Variants in ORC5 observed in about 807,000 individuals in gnomAD.
ORC5 encodes origin recognition complex subunit 5, also known as protein phosphatase 1, regulatory subunit 117.
In ORC5, 39 loss-of-function variants were observed where a neutral mutation model predicts 58.8. That is an observed-to-expected ratio of 0.66 (90% CI 0.51 to 0.87). The LOEUF is 0.87. Among genes scored for constraint, ORC5 ranks in the 40% least tolerant of loss-of-function variants. ORC5 has a pLI of 0.00. For missense variants in ORC5, 493 were observed against 506.3 expected (o/e 0.97, Z 0.25); for synonymous variants, 218 against 177.6 (o/e 1.23, Z -1.81).
At chr7:104,173,048 C>A (rs189477348) in intron 8 of ORC5, among the ~76,000 whole-genome samples, 1 of 150,764 alleles carries the variant, frequency 6.6e-6, no homozygotes, top group South Asian at 2.1e-4. Context: ...GCTAAAACCC[C>A]CAACAAGTAG....
At position 104,188,476 on chromosome 7, in the gene ORC5, C is replaced by A. The variant is rs1298416416; in HGVS notation, c.554-95G>T. The A allele has an allele frequency of 7.4e-6, 6 of 810,834 alleles. No homozygotes were observed. In the East Asian group the frequency reaches 1.3e-4, roughly 17 times the overall value. 50.2% of individuals were successfully genotyped at this position (810,834 alleles called of 1,614,324 possible). A position where few individuals can be genotyped will look rare whatever the true frequency, so the allele number is the denominator to read the frequency against. ...TAACAAAGGTATTAAAAAAAAAACA[C>A]CCAGACCCAGCAACAATTAAGGAAT... On this transcript the variant is annotated intron_variant, in intron 5 of 13. Coordinates refer to ENST00000297431, the MANE Select transcript of ORC5 (RefSeq NM_002553.4).
At chr7:104,148,004 G>T (rs1249112960) in intron 12 of ORC5, among the ~76,000 whole-genome samples, 1 of 152,078 alleles carries the variant, frequency 6.6e-6, no homozygotes, top group Non-Finnish European at 1.5e-5. Context: ...AACTTGAGGG[G>T]CAGGGGTCAG....
Position 104,178,662 on chromosome 7 carries a change from T to C in ORC5, c.824+5281A>G, listed in dbSNP as rs60565724. Among the ~76,000 whole-genome samples, 392 of 152,320 alleles carry C rather than the reference T, an allele frequency of 2.6e-3. 17 individuals carry two copies. The East Asian group carries it at 0.069, about 27-fold the overall frequency. On this transcript the variant is annotated intron_variant, in intron 8 of 13. Coordinates refer to ENST00000297431, the MANE Select transcript of ORC5 (RefSeq NM_002553.4). ...TGCCTATGTCCTGAATGGTGTTGCC[T>C]AGGTTTTCTTCTAGGGTTTTTATGG...
intron 12 of ORC5, among the ~76,000 whole-genome samples, chr7:104,149,758 CAT>C (rs1798816090): frequency 1.3e-5 from 2 of 152,178 alleles, no homozygotes; most frequent in African/African-American, 4.8e-5. Flanking sequence ...CACTGCTTAA[CAT>C]ATTTTATTTC....
Position 104,136,695 on chromosome 7 carries a change from T to C in ORC5, c.1262+86A>G, listed in dbSNP as rs1187578437. 3 of 832,620 alleles carry C rather than the reference T, an allele frequency of 3.6e-6. No homozygotes were observed. The highest frequency in any genetic ancestry group is 5.9e-6 in the Non-Finnish European group (3 of 505,190). The allele number at this position is 832,620 out of a possible 1,614,324, so 51.6% of individuals were successfully genotyped here. A position where few individuals can be genotyped will look rare whatever the true frequency, so the allele number is the denominator to read the frequency against. ...CACTTAAATAGATGATTTTTTCATG[T>C]TTAAATGTCATGACTAATGACATCA... On this transcript the variant is annotated intron_variant, in intron 13 of 13. Coordinates refer to ENST00000297431, the MANE Select transcript of ORC5 (RefSeq NM_002553.4). This position sits in a 1 kb window ranked among gnomAD's most constrained non-coding sequence, Gnocchi z 4.2.
intron 5 of ORC5, 93 bp downstream of exon 5, chr7:104,195,026 TTGAATATCAAATGGGAATAACAAA>T: frequency 1.8e-6 from 1 of 546,410 alleles, no homozygotes; most frequent in Non-Finnish European, 3.2e-6. Flanking sequence ...TAATTCCCAT[TTGAATATCAAATGGGAATAACAAA>T]GTATTCCCAT....
chr7:104,149,232 C>T (rs992697097), intron 12 of ORC5, among the ~76,000 whole-genome samples: 1 of 152,028 alleles, frequency 6.6e-6, no homozygotes, highest in Non-Finnish European at 1.5e-5. Context: ...ATGAAAAGGT[C>T]TTTTTCTGAA....
At chr7:104,127,078 T>A (rs74901297) in intron 13 of ORC5, among the ~76,000 whole-genome samples, 185 bp from the exon 14 acceptor site, 2 of 134,610 alleles carry the variant, frequency 1.5e-5, no homozygotes, top group Non-Finnish European at 3.2e-5. Context: ...AATATTTTAA[T>A]TTTTTTTTTT....
intron 6 of ORC5, among the ~76,000 whole-genome samples, chr7:104,186,166 T>C (rs1799538568): frequency 6.6e-6 from 1 of 151,854 alleles, no homozygotes; most frequent in South Asian, 2.1e-4. Flanking sequence ...AACTGACCCT[T>C]GAACGACATA....
At chr7:104,186,980 T>C (rs144623946) in intron 6 of ORC5, among the ~76,000 whole-genome samples, 25 of 152,338 alleles carry the variant, frequency 1.6e-4, no homozygotes, top group African/African-American at 6.0e-4. Flanking sequence ...CTCTTTACAT[T>C]TTATTTTCCC....
intron 9 of ORC5, 47 bp from the exon 10 acceptor site, chr7:104,166,931 G>C: frequency 9.5e-7 from 1 of 1,050,984 alleles, no homozygotes; most frequent in South Asian, 1.3e-5. Flanking sequence ...GCTAACATTG[G>C]GTTTTAAGTA....
Position 104,161,121 on chromosome 7 carries a change from T to C in ORC5, c.1100A>G (p.Tyr367Cys), listed in dbSNP as rs757580360. ...FPLDRLLAIL[Y>C]SIVDSRVAPT... ...AGCAACTCTGCTGTCCACGATACTA[T>C]ATAATATTGCTAATAATCTGTCTAG... Residue 367 changes from tyrosine (Y) to cysteine (C), a missense_variant, in exon 12 of 14, where the codon TAT becomes TGT. This residue lies in a region of ORC5 where 77 missense variants were observed against 86.1 expected (regional missense o/e 0.89). Transcript: ENST00000297431. 1 of 1,610,912 alleles carries C rather than the reference T, an allele frequency of 6.2e-7. No individual in the cohort carries two copies. Among genetic ancestry groups the C allele is most frequent in the African/African-American group, 1.3e-5 (1 of 74,824 alleles).
At chr7:104,192,608 A>T (rs1221934600) in intron 5 of ORC5, among the ~76,000 whole-genome samples, 1 of 152,138 alleles carries the variant, frequency 6.6e-6, no homozygotes, top group Non-Finnish European at 1.5e-5. Context: ...AAAACACAAC[A>T]AAAAGCACAA....
At chr7:104,150,644 C>T (rs1327286681) in intron 12 of ORC5, among the ~76,000 whole-genome samples, 1 of 151,914 alleles carries the variant, frequency 6.6e-6, no homozygotes, top group Non-Finnish European at 1.5e-5. Context: ...GAAGATAAAG[C>T]CTCTAATCTC....
chr7:104,156,572 G>GA (rs1584490522), intron 12 of ORC5, among the ~76,000 whole-genome samples: 1 of 151,632 alleles, frequency 6.6e-6, no homozygotes, highest in Non-Finnish European at 1.5e-5. Context: ...GGAGAATTCT[G>GA]AATGTCTATA....
intron 13 of ORC5, among the ~76,000 whole-genome samples, chr7:104,135,342 T>C (rs1039260190): frequency 2.0e-5 from 3 of 152,338 alleles, no homozygotes; most frequent in Admixed American, 2.0e-4. Context: ...CAATTTTCTC[T>C]GCGTAAAAGT....
intron 1 of ORC5, among the ~76,000 whole-genome samples, chr7:104,204,833 C>T (rs1260228459): frequency 1.3e-5 from 2 of 152,136 alleles, no homozygotes; most frequent in Non-Finnish European, 2.9e-5. Flanking sequence ...TGTGCAAGAT[C>T]CTCTTGCAGT....
chr7:104,141,543 T>C (rs1225321928), intron 12 of ORC5, among the ~76,000 whole-genome samples: 1 of 152,182 alleles, frequency 6.6e-6, no homozygotes, highest in Admixed American at 6.5e-5. Flanking sequence ...AAAATCATCA[T>C]AATAATCTTT....
chr7:104,175,570 TAA>T (rs1799305325), intron 8 of ORC5, among the ~76,000 whole-genome samples: 2 of 152,194 alleles, frequency 1.3e-5, no homozygotes, highest in Non-Finnish European at 2.9e-5. Flanking sequence ...ATGGAACAGT[TAA>T]TTTAAGAGTT....
Sources: allele counts gnomAD v4.1 joint callset (sites outside exome capture counted in the v4.1 genomes callset), GRCh38; gene constraint gnomAD v4.1.1; regional missense constraint gnomAD v4.1.1; non-coding constraint Gnocchi (gnomAD v3.1); transcripts MANE v1.5; gene names NCBI Gene and HGNC (gene_info 2026-07-23, HGNC 2026-07-21).